The following SDK2 variants were observed in gnomAD, a reference collection of about 807,000 sequenced individuals.
SDK2 encodes the protein sidekick cell adhesion molecule 2.
A neutral mutation model predicts 253.9 loss-of-function variants in SDK2; 105 were observed. The observed-to-expected ratio is 0.41, with a 90% CI of 0.35 to 0.49. The LOEUF (loss-of-function observed/expected upper bound fraction) is 0.49. Ranked by LOEUF, SDK2 falls within the 20% of genes least tolerant of loss-of-function variation. The probability of loss-of-function intolerance (pLI) is 0.06; values close to 1 mark genes in which losing one functional copy is unlikely to be tolerated. For missense variants in SDK2, 2,608 were observed against 3,003.0 expected (o/e 0.87, Z 3.07); for synonymous variants, 1,249 against 1,234.9 (o/e 1.01, Z -0.24).
chr17:73,415,834 A>G lies in SDK2; in HGVS notation c.2345T>C (p.Val782Ala), dbSNP rs1325222012. ...ACCTCCCTGCAGCGTCCACTCGGTG[A>G]CTTTACTGCTGTAGACCCCCAGCCC... is the stretch of plus-strand genomic sequence containing the variant. ...SAGLGVYSSK[V>A]TEWTLQGVPT... The change falls in exon 17 of 45, where the codon GTC becomes GCC. Residue 782 changes from valine (V) to alanine (A), a missense_variant. Physicochemically the swap from Val to Ala is moderately conservative, Grantham distance 64 (BLOSUM62 0). Around this residue, in one of 2 missense-constraint regions of SDK2, gnomAD observed 1,505 missense variants for 1,859.1 expected, o/e 0.81. Transcript: ENST00000392650. 1.7e-5 allele frequency: 26 copies of G among 1,555,152 alleles called. No individual in the cohort carries two copies. The Admixed American group carries it at 2.7e-4, about 16-fold the overall frequency.
At chr17:73,583,107 C>G (rs906326832) in intron 1 of SDK2, among the ~76,000 whole-genome samples, 2 of 152,180 alleles carry the variant, frequency 1.3e-5, no homozygotes, top group African/African-American at 4.8e-5. Context: ...CCTACTGGAC[C>G]GCTCAACTAG....
chr17:73,523,850 C>T (rs569789018), intron 1 of SDK2, among the ~76,000 whole-genome samples: 1 of 152,004 alleles, frequency 6.6e-6, no homozygotes, highest in Non-Finnish European at 1.5e-5. Flanking sequence ...CCAGCAGAAG[C>T]GAGCCCCCTC....
At chr17:73,584,212 G>A (rs1445622365) in intron 1 of SDK2, among the ~76,000 whole-genome samples, 1 of 152,160 alleles carries the variant, frequency 6.6e-6, no homozygotes, top group Non-Finnish European at 1.5e-5. Context: ...CCGGGACCTC[G>A]CCTGCTCTGC....
intron 1 of SDK2, among the ~76,000 whole-genome samples, chr17:73,591,628 G>T (rs2045683383): frequency 6.6e-6 from 1 of 152,124 alleles, no homozygotes; most frequent in South Asian, 2.1e-4. Context: ...GTTTATCTGA[G>T]GTCCAAATTT....
At chr17:73,631,392 G>A (rs2046268460) in intron 1 of SDK2, among the ~76,000 whole-genome samples, 1 of 152,220 alleles carries the variant, frequency 6.6e-6, no homozygotes, top group Non-Finnish European at 1.5e-5. Flanking sequence ...TGCCCGTGGG[G>A]AAGAGACTTT....
chr17:73,409,653 A>C (rs1032959762), intron 18 of SDK2, among the ~76,000 whole-genome samples: 1 of 152,008 alleles, frequency 6.6e-6, no homozygotes, highest in East Asian at 1.9e-4. Context: ...GAAAAAAAAA[A>C]CACAAAAGGG....
chr17:73,421,195 C>T (rs2145583305), intron 15 of SDK2, among the ~76,000 whole-genome samples: 1 of 152,332 alleles, frequency 6.6e-6, no homozygotes, highest in Admixed American at 6.5e-5. Context: ...GGTAGCTGCT[C>T]AGTAAACAGT....
At chr17:73,399,467 C>T (rs149986196) in intron 21 of SDK2, among the ~76,000 whole-genome samples, 178 bp from the exon 22 acceptor site, 1 of 152,282 alleles carries the variant, frequency 6.6e-6, no homozygotes, top group Non-Finnish European at 1.5e-5. Context: ...TACGGAGAAC[C>T]ATGTTCATGC....
chr17:73,507,005 C>A (rs1263305695), intron 2 of SDK2, among the ~76,000 whole-genome samples: 1 of 152,236 alleles, frequency 6.6e-6, no homozygotes, highest in Admixed American at 6.5e-5. Flanking sequence ...TAGAAGATGT[C>A]CCCTCCTTCA....
In SDK2 at chr17:73,429,021, G is replaced by T. The variant is rs140814769; in HGVS notation, c.1583+1490C>A. 2.0e-5 allele frequency among the ~76,000 whole-genome samples: 3 copies of T among 152,286 alleles called. No homozygotes were observed. The East Asian group carries it at 5.8e-4, about 29-fold the overall frequency. ...GCAGGTTACTTTGCAAGAGACCCCCGAATCCCATTATGCATCAGTAACTGT... is the reference window on the plus strand; with the variant it reads ...GCAGGTTACTTTGCAAGAGACCCCCTAATCCCATTATGCATCAGTAACTGT... On this transcript the variant is annotated intron_variant, in intron 12 of 44. Coordinates refer to ENST00000392650, the MANE Select transcript of SDK2 (RefSeq NM_001144952.2).
intron 1 of SDK2, among the ~76,000 whole-genome samples, chr17:73,551,886 T>C (rs181008633): frequency 6.6e-6 from 1 of 152,144 alleles, no homozygotes; most frequent in Non-Finnish European, 1.5e-5. Context: ...CAGGCTTCCC[T>C]TCTGTCTCCA....
chr17:73,600,614 G>A (rs945002711), intron 1 of SDK2, among the ~76,000 whole-genome samples: 1 of 152,150 alleles, frequency 6.6e-6, no homozygotes, highest in Admixed American at 6.5e-5. Context: ...AGGCCGACAA[G>A]AGCCCCTGCC....
intron 1 of SDK2, among the ~76,000 whole-genome samples, chr17:73,636,597 C>T (rs965095266): frequency 3.6e-5 from 5 of 140,722 alleles, no homozygotes; most frequent in African/African-American, 1.1e-4. Context: ...AGGAGAATCA[C>T]TTGAACTTGG....
In SDK2 at chr17:73,414,565, C is replaced by T. The variant is rs2063164496; in HGVS notation, c.2484+79G>A. On this transcript the variant is annotated intron_variant, in intron 18 of 44. Transcript: ENST00000392650. Reference sequence around the variant, plus strand: ...TCAGAAACAGAGGGGGGATTTCCTCCTGCCCACTCTGTCCCCTCTCCCCAC... The same window carrying T: ...TCAGAAACAGAGGGGGGATTTCCTCTTGCCCACTCTGTCCCCTCTCCCCAC... 4 of 1,080,160 alleles carry T rather than the reference C, an allele frequency of 3.7e-6. No individual in the cohort carries two copies. The Admixed American group carries it at 7.4e-5, about 20-fold the overall frequency. 66.9% of individuals were successfully genotyped at this position (1,080,160 alleles called of 1,614,324 possible).
intron 18 of SDK2, among the ~76,000 whole-genome samples, chr17:73,402,389 G>A (rs1396058561): frequency 2.6e-5 from 4 of 152,212 alleles, no homozygotes; most frequent in East Asian, 1.9e-4. Flanking sequence ...CCCAGGAATC[G>A]CCTCGTACTC....
chr17:73,419,063 G>A (rs911966296), intron 16 of SDK2, 103 bp downstream of exon 16: 47 of 1,335,866 alleles, frequency 3.5e-5, no homozygotes, highest in East Asian at 5.0e-5. Context: ...CCTAGATGGC[G>A]AAGGGCCTGC....
chr17:73,350,190 T>TGGGCACTGCTGGGACTGGCCCCCCACCC (rs2062522504), intron 43 of SDK2, 47 bp downstream of exon 43: 7 of 163,690 alleles, frequency 4.3e-5, no homozygotes, highest in Admixed American at 2.1e-4. Flanking sequence ...TCTCCCCACC[T>TGGGCACTGCTGGGACTGGCCCCCCACCC]GGGCACTGCT....
chr17:73,388,760 C>T (rs1280390530), intron 29 of SDK2, among the ~76,000 whole-genome samples: 1 of 77,310 alleles, frequency 1.3e-5, no homozygotes, highest in Admixed American at 1.4e-4. Flanking sequence ...CTCCTTCCTT[C>T]CTTCCCTCCC....
At chr17:73,401,303 C>G in intron 20 of SDK2, 92 bp from the exon 21 acceptor site, 1 of 1,190,636 alleles carries the variant, frequency 8.4e-7, no homozygotes, top group South Asian at 1.5e-5. Context: ...ACTAGGCTGG[C>G]AATTAGATCC....
Sources: gnomAD v4.1 joint callset for allele counts (sites outside exome capture counted in the v4.1 genomes callset) on GRCh38, gnomAD v4.1.1 for gene constraint, gnomAD v4.1.1 regional missense constraint, MANE v1.5 for transcripts, NCBI Gene and HGNC (gene_info 2026-07-23, HGNC 2026-07-21) for gene names.